SGCZ: variants seen among roughly 807,000 people sequenced by gnomAD.
SGCZ encodes the protein sarcoglycan zeta, also known as zeta-sarcoglycan.
SGCZ carries 40 observed loss-of-function variants against 41.3 expected under a neutral mutation model. That is an observed-to-expected ratio of 0.97 (90% confidence interval 0.75 to 1.26). The LOEUF (loss-of-function observed/expected upper bound fraction) is 1.26. Among genes scored for constraint, SGCZ ranks in the 50% most tolerant of loss-of-function variants. The pLI, the probability that SGCZ is intolerant of heterozygous loss-of-function variation, is 0.00. For synonymous variants in SGCZ, 206 were observed against 137.5 expected, an observed-to-expected ratio of 1.50 and a Z score of -3.49; for missense variants, 552 against 369.8, an observed-to-expected ratio of 1.49 and a Z score of -4.04.
chr8:14,271,113 G>T (rs1021896687), intron 3 of SGCZ, among the ~76,000 whole-genome samples: 1 of 151,910 alleles, frequency 6.6e-6, no homozygotes, highest in Non-Finnish European at 1.5e-5. Context: ...TGAGTTAATG[G>T]GTGCCGCACA....
intron 1 of SGCZ, among the ~76,000 whole-genome samples, chr8:14,894,194 C>T (rs1466519338): frequency 1.1e-4 from 17 of 152,028 alleles, no homozygotes; most frequent in Admixed American, 1.0e-3. Context: ...AGTACTTAAA[C>T]TTTGCTGTTA....
intron 2 of SGCZ, among the ~76,000 whole-genome samples, chr8:14,393,953 T>G (rs1804882459): frequency 6.6e-6 from 1 of 152,154 alleles, no homozygotes; most frequent in Non-Finnish European, 1.5e-5. Context: ...AAATATATAT[T>G]CATTTCTCAG....
At chr8:14,187,630 A>C (rs973607444) in intron 4 of SGCZ, among the ~76,000 whole-genome samples, 1 of 152,130 alleles carries the variant, frequency 6.6e-6, no homozygotes, top group East Asian at 1.9e-4. Context: ...AAAAAGAATT[A>C]ATGATATTAA....
intron 1 of SGCZ, among the ~76,000 whole-genome samples, chr8:14,592,112 C>T (rs1292972498): frequency 6.6e-6 from 1 of 152,116 alleles, no homozygotes; most frequent in Non-Finnish European, 1.5e-5. Context: ...TTTTGCTTTT[C>T]CCACTTGTCT....
intron 1 of SGCZ, among the ~76,000 whole-genome samples, chr8:14,739,988 T>C (rs1354962916): frequency 6.6e-6 from 1 of 152,048 alleles, no homozygotes; most frequent in Admixed American, 6.6e-5. Flanking sequence ...TAGCTCCTTT[T>C]GCAAGCACAT....
In SGCZ at chr8:14,443,503, A is replaced by G. The variant is rs996581550; in HGVS notation, c.234+111229T>C. 9.2e-3 allele frequency among the ~76,000 whole-genome samples: 1,396 copies of G among 152,098 alleles called. 8 individuals carry two copies. The highest frequency in any genetic ancestry group is 0.013 in the Non-Finnish European group (905 of 67,952). On this transcript the variant is annotated intron_variant, in intron 2 of 7. Transcript: ENST00000382080. ...ACAGAACAGAGCCCTCAGAAATAAC[A>G]CCGCATATCTACAACTATCTGATCT... is the stretch of plus-strand genomic sequence containing the variant.
At chr8:14,889,122 G>A (rs531972472) in intron 1 of SGCZ, among the ~76,000 whole-genome samples, 1 of 152,036 alleles carries the variant, frequency 6.6e-6, no homozygotes, top group Admixed American at 6.6e-5. Flanking sequence ...TTCTTCTGCT[G>A]CAGTTTAAAC....
At chr8:14,345,660 C>A (rs1409192952) in intron 2 of SGCZ, among the ~76,000 whole-genome samples, 9 of 152,088 alleles carry the variant, frequency 5.9e-5, no homozygotes, top group Non-Finnish European at 1.3e-4. Flanking sequence ...AGTTTGAATT[C>A]CATTGCTCAG....
intron 1 of SGCZ, among the ~76,000 whole-genome samples, chr8:14,805,795 C>T (rs1801500653): frequency 6.6e-6 from 1 of 151,756 alleles, no homozygotes; most frequent in Non-Finnish European, 1.5e-5. Flanking sequence ...CAGCACCACA[C>T]CACACCTATT....
intron 1 of SGCZ, among the ~76,000 whole-genome samples, chr8:14,990,768 G>A (rs1044000950): frequency 2.0e-4 from 31 of 152,218 alleles, no homozygotes; most frequent in African/African-American, 6.5e-4. Context: ...GTGCTAACTC[G>A]GTCTGTGGAA....
At chr8:15,172,823 G>C (rs1239656416) in intron 1 of SGCZ, among the ~76,000 whole-genome samples, 1 of 152,090 alleles carries the variant, frequency 6.6e-6, no homozygotes, top group Non-Finnish European at 1.5e-5. Flanking sequence ...CCACAAACAA[G>C]ATTTTACCTG....
intron 1 of SGCZ, among the ~76,000 whole-genome samples, chr8:15,218,400 C>A (rs1801487142): frequency 6.6e-6 from 1 of 152,190 alleles, no homozygotes; most frequent in African/African-American, 2.4e-5. Context: ...CAGAACACAT[C>A]CCAATGCATA....
chr8:14,442,332 T>A (rs191939624), intron 2 of SGCZ, among the ~76,000 whole-genome samples: 120 of 152,296 alleles, frequency 7.9e-4, no homozygotes, highest in Non-Finnish European at 1.6e-3. Flanking sequence ...TTGCACACAC[T>A]CTCTTGCCTG....
intron 2 of SGCZ, among the ~76,000 whole-genome samples, chr8:14,453,426 T>G (rs936810127): frequency 6.6e-6 from 1 of 152,228 alleles, no homozygotes; most frequent in Admixed American, 6.5e-5. Flanking sequence ...CATTTTTGTT[T>G]ATTTTGTCTT....
At chr8:15,203,362 A>T (rs577143660) in intron 1 of SGCZ, among the ~76,000 whole-genome samples, 27 of 152,248 alleles carry the variant, frequency 1.8e-4, no homozygotes, top group African/African-American at 5.8e-4. Flanking sequence ...TTGGCTTCTC[A>T]ATTATACCAA....
intron 1 of SGCZ, among the ~76,000 whole-genome samples, chr8:15,128,310 C>G (rs759818670): frequency 1.3e-5 from 2 of 152,176 alleles, no homozygotes; most frequent in African/African-American, 2.4e-5. Context: ...CAAGACTCAC[C>G]TTATAAGCTT....
intron 1 of SGCZ, among the ~76,000 whole-genome samples, chr8:15,027,984 G>C (rs1377805248): frequency 6.6e-6 from 1 of 151,942 alleles, no homozygotes; most frequent in African/African-American, 2.4e-5. Flanking sequence ...CAAAAGCACA[G>C]ATAATATCTT....
intron 1 of SGCZ, among the ~76,000 whole-genome samples, chr8:14,607,349 T>G (rs1042872097): frequency 9.2e-5 from 14 of 152,306 alleles, no homozygotes; most frequent in South Asian, 2.1e-4. Context: ...ATTACGATCA[T>G]CACTGCTTAA....
At chr8:14,956,364 A>G (rs533178605) in intron 1 of SGCZ, among the ~76,000 whole-genome samples, 39 of 152,214 alleles carry the variant, frequency 2.6e-4, no homozygotes, top group Non-Finnish European at 3.7e-4. Context: ...AAAAGTCCCA[A>G]TATCAGTTTT....
Sources: allele counts gnomAD v4.1 joint callset (sites outside exome capture counted in the v4.1 genomes callset), GRCh38; gene constraint gnomAD v4.1.1; transcripts MANE v1.5; gene names NCBI Gene and HGNC (gene_info 2026-07-23, HGNC 2026-07-21).